Variants in FRMPD1 observed in about 807,000 individuals in gnomAD.
FRMPD1 encodes the protein FERM and PDZ domain-containing protein 1.
Under a neutral mutation model 117.8 loss-of-function variants are expected in FRMPD1, and 76 were observed. The ratio of observed to expected loss-of-function variants is 0.65; its 90% CI spans 0.54 to 0.78. The LOEUF (loss-of-function observed/expected upper bound fraction) is 0.78, where lower values mean the gene tolerates loss of function less well. Among genes scored for constraint, FRMPD1 ranks in the 30% least tolerant of loss-of-function variants. The pLI is 0.00. For missense variants in FRMPD1, 1,786 were observed against 1,964.5 expected (o/e 0.91, Z 1.72); for synonymous variants, 783 against 770.4 (o/e 1.02, Z -0.27).
rs550039289 is a variant in FRMPD1 at position 37,687,876 on chromosome 9, T to C, written c.-4-4762T>C. Among the ~76,000 whole-genome samples the C allele has an allele frequency of 3.9e-4, 59 of 152,350 alleles. 1 individual carries two copies. Among genetic ancestry groups the C allele is most frequent in the Middle Eastern group, 6.8e-3 (2 of 294 alleles). ...TTCCAATCACAGCTGTGATGAGTTC[T>C]GATCTGGAAAGATATACAGGATACA... On this transcript the variant is annotated intron_variant, in intron 1 of 15. Transcript: ENST00000377765.
chr9:37,727,451 T>G (rs1333661022), intron 7 of FRMPD1, among the ~76,000 whole-genome samples: 1 of 152,104 alleles, frequency 6.6e-6, no homozygotes, highest in East Asian at 1.9e-4. Flanking sequence ...AGGCTACAGT[T>G]TGCCAACCTT....
At chr9:37,692,427 G>A (rs368805496) in intron 1 of FRMPD1, among the ~76,000 whole-genome samples, 9 of 152,190 alleles carry the variant, frequency 5.9e-5, no homozygotes, top group African/African-American at 2.2e-4. Context: ...TACAAACCCA[G>A]TCTGTTTGCT....
At chr9:37,703,765 A>T (rs192322960) in intron 2 of FRMPD1, among the ~76,000 whole-genome samples, 47 of 152,306 alleles carry the variant, frequency 3.1e-4, no homozygotes, top group African/African-American at 1.1e-3. Context: ...TCTGTTCTAG[A>T]TATTTCATGT....
intron 5 of FRMPD1, among the ~76,000 whole-genome samples, chr9:37,717,317 ATG>A (rs1204426463): frequency 3.6e-5 from 5 of 137,858 alleles, no homozygotes; most frequent in Admixed American, 1.5e-4. Flanking sequence ...ATATATATGT[ATG>A]TGTGTGTGTG....
intron 1 of FRMPD1, among the ~76,000 whole-genome samples, chr9:37,670,334 G>A (rs957227684): frequency 2.0e-5 from 3 of 152,148 alleles, no homozygotes; most frequent in Non-Finnish European, 2.9e-5. Context: ...AAATACAGGA[G>A]AATCATCTTT....
chr9:37,740,766 G>A lies in FRMPD1; in HGVS notation c.2238G>A (p.Gln746=). The A allele has an allele frequency of 6.2e-7, 1 of 1,614,146 alleles. No homozygotes were observed. Among genetic ancestry groups the A allele is most frequent in the Non-Finnish European group, 8.5e-7 (1 of 1,179,992 alleles). The change falls in exon 15 of 16, where the codon CAG becomes CAA. Residue 746 remains glutamine, a synonymous_variant. Transcript: ENST00000377765. This position sits in a 1 kb window ranked among gnomAD's most constrained non-coding sequence, Gnocchi z 4.2. ...GTCAGCAGGGCTGGACTGAGGCCCA[G>A]CCCAGTTCCATGCTGGAACCCCTGG... ...AWGQQGWTEA[Q]PSSMLEPLAL...
chr9:37,746,358 T>C lies in FRMPD1; in HGVS notation c.4326T>C (p.Val1442=). Residue 1442 remains valine (V), a synonymous_variant, in exon 16 of 16, where the codon GTT becomes GTC. Coordinates refer to ENST00000377765, the MANE Select transcript of FRMPD1 (RefSeq NM_014907.3). ...ACATTTTAGAAACTTCCTGGGGGGTTGGAAACAAACATCCCCCAGAGAAGT... is the reference window on the plus strand; with the variant it reads ...ACATTTTAGAAACTTCCTGGGGGGTCGGAAACAAACATCCCCCAGAGAAGT... ...LQDILETSWG[V]GNKHPPEKCT... is the part of the protein sequence containing the mutation. The C allele has an allele frequency of 6.2e-7, 1 of 1,612,644 alleles. No homozygotes were observed. Among genetic ancestry groups the C allele is most frequent in the Non-Finnish European group, 8.5e-7 (1 of 1,179,712 alleles).
At chr9:37,683,998 A>G (rs1821832165) in intron 1 of FRMPD1, among the ~76,000 whole-genome samples, 1 of 148,356 alleles carries the variant, frequency 6.7e-6, no homozygotes, top group African/African-American at 2.5e-5. Flanking sequence ...AACAACAGGT[A>G]ATACAGTTCT....
chr9:37,676,214 C>T (rs957603993), intron 1 of FRMPD1, among the ~76,000 whole-genome samples: 6 of 141,918 alleles, frequency 4.2e-5, no homozygotes, highest in Admixed American at 4.2e-4. Flanking sequence ...TTCTGGTTCT[C>T]ATTTTTTGGA....
chr9:37,710,900 G>A (rs1822881633), intron 4 of FRMPD1, among the ~76,000 whole-genome samples: 1 of 147,766 alleles, frequency 6.8e-6, no homozygotes, highest in Non-Finnish European at 1.5e-5. Flanking sequence ...GGAGGTTGCA[G>A]CAAGCCAAGA....
At chr9:37,632,073 C>T in the FRMPD1 span, among the ~76,000 whole-genome samples, 1 of 152,230 alleles carries the variant, frequency 6.6e-6, no homozygotes, top group African/African-American at 2.4e-5. Flanking sequence ...CATAGATGGG[C>T]TATACGGCAT....
At chr9:37,730,269 G>A (rs976102390) in intron 8 of FRMPD1, among the ~76,000 whole-genome samples, 1 of 152,172 alleles carries the variant, frequency 6.6e-6, no homozygotes, top group Non-Finnish European at 1.5e-5. Context: ...TATGGTTCCT[G>A]ATGGCAGAAT....
chr9:37,637,988 C>CTTTCT, the FRMPD1 span, among the ~76,000 whole-genome samples: 2 of 121,808 alleles, frequency 1.6e-5, no homozygotes, highest in Non-Finnish European at 1.7e-5. Context: ...TTCTTTCTTT[C>CTTTCT]TTTCTTTCTT....
the FRMPD1 span, among the ~76,000 whole-genome samples, chr9:37,624,658 AT>A: frequency 4.6e-5 from 7 of 152,352 alleles, no homozygotes; most frequent in East Asian, 1.2e-3. Flanking sequence ...ACAACTCTCT[AT>A]GATTATTATG....
At position 37,745,006 on chromosome 9, in the gene FRMPD1, C is replaced by CG; in HGVS notation, c.2974_2975insG (p.Leu992ArgfsTer28). 11 of 1,614,230 alleles carry CG rather than the reference C, an allele frequency of 6.8e-6. No homozygotes were observed. The highest frequency in any genetic ancestry group is 8.5e-6 in the Non-Finnish European group (10 of 1,180,040). On this transcript the variant is annotated frameshift_variant, in exon 16 of 16. Transcript: ENST00000377765. LOFTEE classifies it low-confidence loss of function (END_TRUNC). ...GGCAAGGCCTTCCCAAATCTTACCT[C>CG]TATCTCAAGACCTGGATGGGATTGC... is the stretch of plus-strand genomic sequence containing the variant.
chr9:37,637,964 C>CTTTTTT, the FRMPD1 span, among the ~76,000 whole-genome samples: 6 of 32,088 alleles, frequency 1.9e-4, no homozygotes, highest in Non-Finnish European at 3.8e-4. Context: ...ATGGTGTATG[C>CTTTTTT]TTTCTTTCTT....
chr9:37,625,041 A>G, the FRMPD1 span, among the ~76,000 whole-genome samples: 1 of 152,208 alleles, frequency 6.6e-6, no homozygotes, highest in Non-Finnish European at 1.5e-5. Context: ...TCTTTCATCA[A>G]AGAAAAATGT....
At chr9:37,616,117 C>CTTTTTT in the FRMPD1 span, among the ~76,000 whole-genome samples, 2 of 96,770 alleles carry the variant, frequency 2.1e-5, no homozygotes, top group Admixed American at 1.3e-4. Flanking sequence ...GTGCCCAGCC[C>CTTTTTT]TTTTTTTTTT....
the FRMPD1 span, among the ~76,000 whole-genome samples, chr9:37,634,639 T>C: frequency 6.6e-6 from 1 of 152,044 alleles, no homozygotes; most frequent in Non-Finnish European, 1.5e-5. Context: ...TTTGCACTTC[T>C]GTTTTCTGAA....
Sources: allele counts gnomAD v4.1 joint callset (sites outside exome capture counted in the v4.1 genomes callset), GRCh38; gene constraint gnomAD v4.1.1; non-coding constraint Gnocchi (gnomAD v3.1); transcripts MANE v1.5; gene names NCBI Gene and HGNC (gene_info 2026-07-23, HGNC 2026-07-21).